OR51B5: variants seen among roughly 807,000 people sequenced by gnomAD.
OR51B5 encodes olfactory receptor family 51 subfamily B member 5.
For missense variants in OR51B5, 456 were observed against 374.6 expected (o/e 1.22, Z -1.79); for synonymous variants, 186 against 144.8 (o/e 1.28, Z -2.04).
intron 1 of OR51B5, among the ~76,000 whole-genome samples, chr11:5,376,112 C>T (rs1433135043): frequency 6.6e-6 from 1 of 152,132 alleles, no homozygotes; most frequent in Non-Finnish European, 1.5e-5. Flanking sequence ...AACAAACTGT[C>T]TCTCAGACCA....
intron 1 of OR51B5, among the ~76,000 whole-genome samples, chr11:5,413,608 G>A (rs990682278): frequency 6.6e-6 from 1 of 152,186 alleles, no homozygotes; most frequent in Non-Finnish European, 1.5e-5. Flanking sequence ...GGAGCTGAAA[G>A]CCAAGGCTCG....
At chr11:5,417,630 T>C (rs1850263592) in intron 1 of OR51B5, among the ~76,000 whole-genome samples, 1 of 150,794 alleles carries the variant, frequency 6.6e-6, no homozygotes, top group African/African-American at 2.4e-5. Flanking sequence ...AACAGACACT[T>C]CTCAAAAGAA....
At chr11:5,431,091 G>A (rs1425297745) in intron 1 of OR51B5, 1 of 434,106 alleles carries the variant, frequency 2.3e-6, no homozygotes, top group South Asian at 1.7e-5. Flanking sequence ...CATTAGTGTG[G>A]CAATAGGGCA....
intron 1 of OR51B5, among the ~76,000 whole-genome samples, chr11:5,459,336 G>T (rs575996003): frequency 6.6e-6 from 1 of 152,140 alleles, no homozygotes; most frequent in Non-Finnish European, 1.5e-5. Context: ...GCTCTTTGAT[G>T]TGCTGCTGGA....
intron 1 of OR51B5, among the ~76,000 whole-genome samples, chr11:5,380,794 T>A (rs758184026): frequency 2.0e-5 from 3 of 152,274 alleles, no homozygotes; most frequent in Admixed American, 6.5e-5. Flanking sequence ...AATGAACTGG[T>A]TGGCAGCTTT....
At chr11:5,447,299 G>T (rs975162908) in intron 1 of OR51B5, among the ~76,000 whole-genome samples, 4 of 152,106 alleles carry the variant, frequency 2.6e-5, no homozygotes, top group African/African-American at 9.7e-5. Context: ...CAGATGCAAG[G>T]TATCTCTCAC....
At chr11:5,394,763 C>T (rs1289653982) in intron 1 of OR51B5, among the ~76,000 whole-genome samples, 1 of 152,178 alleles carries the variant, frequency 6.6e-6, no homozygotes, top group Non-Finnish European at 1.5e-5. Flanking sequence ...TTTGCTTCAT[C>T]AGGGGACGTT....
chr11:5,457,870 G>C (rs1850983314), intron 1 of OR51B5, among the ~76,000 whole-genome samples: 1 of 152,062 alleles, frequency 6.6e-6, no homozygotes, highest in Non-Finnish European at 1.5e-5. Flanking sequence ...TTAGACATTT[G>C]TCAGGTCCAT....
At chr11:5,476,609 A>C (rs1291899678) in intron 1 of OR51B5, among the ~76,000 whole-genome samples, 2 of 152,338 alleles carry the variant, frequency 1.3e-5, no homozygotes, top group East Asian at 3.9e-4. Context: ...GAACAAGCCG[A>C]TAAGAGGAAG....
intron 1 of OR51B5, among the ~76,000 whole-genome samples, chr11:5,409,615 C>A (rs962595332): frequency 6.6e-6 from 1 of 151,372 alleles, no homozygotes; most frequent in Non-Finnish European, 1.5e-5. Context: ...AATGAAAGCA[C>A]AAAAATTGAA....
chr11:5,374,346 A>T lies in OR51B5; in HGVS notation n.85-27436T>A, dbSNP rs547075177. 7.2e-5 allele frequency among the ~76,000 whole-genome samples: 11 copies of T among 152,280 alleles called. No homozygotes were observed. The East Asian group carries it at 2.1e-3, about 29-fold the overall frequency. On this transcript the variant is annotated intron_variant and non_coding_transcript_variant, in intron 1 of 4. Coordinates refer to the OR51B5 transcript ENST00000415970. Reference sequence around the variant, plus strand: ...AACCCATCGGTACATCACTATCATCAAAGACCAAAAGTAGATACAACCACA... The same window carrying T: ...AACCCATCGGTACATCACTATCATCTAAGACCAAAAGTAGATACAACCACA...
intron 1 of OR51B5, among the ~76,000 whole-genome samples, chr11:5,355,745 C>G (rs1007321606): frequency 2.4e-5 from 3 of 127,402 alleles, no homozygotes; most frequent in Non-Finnish European, 4.9e-5. Flanking sequence ...AAATTTCTAA[C>G]AATTACCTTT....
chr11:5,371,322 A>C (rs1205094696), intron 1 of OR51B5, among the ~76,000 whole-genome samples: 1 of 152,190 alleles, frequency 6.6e-6, no homozygotes, highest in East Asian at 1.9e-4. Context: ...AATTGAACAT[A>C]TAATTCTCAT....
intron 1 of OR51B5, among the ~76,000 whole-genome samples, chr11:5,471,705 C>A (rs1329764049): frequency 6.6e-6 from 1 of 151,676 alleles, no homozygotes; most frequent in Non-Finnish European, 1.5e-5. Flanking sequence ...ATAAGAGCTA[C>A]ATGTTTTTAC....
chr11:5,503,872 T>C (rs1846333803), intron 1 of OR51B5, among the ~76,000 whole-genome samples: 1 of 152,170 alleles, frequency 6.6e-6, no homozygotes, highest in African/African-American at 2.4e-5. Flanking sequence ...TTTATTGCAG[T>C]GATTAAGAGT....
intron 1 of OR51B5, among the ~76,000 whole-genome samples, chr11:5,436,396 G>A (rs1417114093): frequency 6.6e-6 from 1 of 152,214 alleles, no homozygotes; most frequent in East Asian, 1.9e-4. Context: ...CTGAATCGAG[G>A]TTAATGGTCT....
At chr11:5,400,196 G>A (rs1339407562) in intron 1 of OR51B5, among the ~76,000 whole-genome samples, 2 of 152,144 alleles carry the variant, frequency 1.3e-5, no homozygotes, top group Non-Finnish European at 2.9e-5. Flanking sequence ...ACAGCACAGA[G>A]CTTTTCCTAA....
chr11:5,340,569 T>C (rs921691552), downstream of OR51B5: 63 of 152,196 alleles, frequency 4.1e-4, no homozygotes, highest in African/African-American at 1.5e-3. Flanking sequence ...AAATATCAGT[T>C]TTCATAGGGA....
intron 1 of OR51B5, among the ~76,000 whole-genome samples, chr11:5,414,376 A>G (rs1399445147): frequency 6.9e-6 from 1 of 145,236 alleles, no homozygotes. Context: ...TGCATCAACT[A>G]ATGAGCAAAA....
Sources: allele counts gnomAD v4.1 joint callset (sites outside exome capture counted in the v4.1 genomes callset), GRCh38; gene constraint gnomAD v4.1.1; transcripts MANE v1.5; gene names NCBI Gene and HGNC (gene_info 2026-07-23, HGNC 2026-07-21).